CPEB2: variants seen among roughly 807,000 people sequenced by gnomAD.
The protein encoded by CPEB2 is cytoplasmic polyadenylation element binding protein 2, also known as cytoplasmic polyadenylation element-binding protein 2.
Under a neutral mutation model 93.6 loss-of-function variants are expected in CPEB2, and 56 were observed. The ratio of observed to expected loss-of-function variants is 0.60; its 90% confidence interval spans 0.48 to 0.75. The LOEUF (loss-of-function observed/expected upper bound fraction) is 0.75, where lower values mean the gene tolerates loss of function less well. CPEB2 is among the 30% of genes least tolerant of loss of function. The probability of loss-of-function intolerance (pLI) is 0.00; values close to 1 mark genes in which losing one functional copy is unlikely to be tolerated. For missense variants in CPEB2, 1,579 were observed against 1,395.1 expected, an observed-to-expected ratio of 1.13 and a Z score of -2.10; for synonymous variants, 764 against 586.3, an observed-to-expected ratio of 1.30 and a Z score of -4.38.
rs1722112927 is a variant in CPEB2, at chr4:15,002,725, A to T, written c.52A>T (p.Ser18Cys). Residue 18 changes from serine to cysteine, a missense_variant, in exon 1 of 12, where the codon AGT becomes TGT. Physicochemically the swap from Ser to Cys is moderately radical, Grantham distance 112. Around this residue, in one of 2 missense-constraint regions of CPEB2, gnomAD observed 1,411 missense variants for 1,056.0 expected, o/e 1.34. Transcript: ENST00000538197. ...VLQTAPLRSS[S>C]PGPLFCGEAY... Reference sequence around the variant, plus strand: ...GCAGACCGCCCCGCTCCGAAGTAGCAGTCCTGGGCCCCTGTTCTGCGGCGA... The same window carrying T: ...GCAGACCGCCCCGCTCCGAAGTAGCTGTCCTGGGCCCCTGTTCTGCGGCGA... 6.5e-7 allele frequency: 1 copy of T among 1,529,410 alleles called. No homozygotes were observed. Among genetic ancestry groups the T allele is most frequent in the African/African-American group, 1.4e-5 (1 of 72,252 alleles). The allele number at this position is 1,529,410 out of a possible 1,614,324, so 94.7% of individuals were successfully genotyped here.
chr4:15,026,009 C>T lies in CPEB2; in HGVS notation c.2126-7152C>T, dbSNP rs184168574. 2.9e-4 allele frequency among the ~76,000 whole-genome samples: 44 copies of T among 152,196 alleles called. No individual in the cohort carries two copies. In the East Asian group the frequency reaches 8.3e-3, roughly 29 times the overall value. ...CTCTTTCAAATCTTTTTAACTGCCA[C>T]GTTAGGGATTTCGGAAAGCAACAGA... On this transcript the variant is annotated intron_variant, in intron 4 of 11. Transcript: ENST00000538197.
intron 4 of CPEB2, among the ~76,000 whole-genome samples, chr4:15,022,174 G>T (rs1724886423): frequency 1.3e-5 from 2 of 152,060 alleles, no homozygotes; most frequent in African/African-American, 4.8e-5. Flanking sequence ...AGTTCGTGTG[G>T]GGTGTAGAAC....
At chr4:15,028,545 T>C (rs1725725869) in intron 4 of CPEB2, among the ~76,000 whole-genome samples, 1 of 152,120 alleles carries the variant, frequency 6.6e-6, no homozygotes, top group African/African-American at 2.4e-5. Context: ...TTCATGGATC[T>C]TCTGTTTTAA....
intron 11 of CPEB2, among the ~76,000 whole-genome samples, chr4:15,065,596 C>T (rs1383628916): frequency 1.3e-5 from 2 of 152,064 alleles, no homozygotes; most frequent in Non-Finnish European, 1.5e-5. Context: ...GAGCTGACTC[C>T]AGTCTGAAGT....
intron 6 of CPEB2, among the ~76,000 whole-genome samples, chr4:15,043,232 A>C (rs184879981): frequency 6.6e-6 from 1 of 152,332 alleles, no homozygotes; most frequent in Admixed American, 6.5e-5. Flanking sequence ...TGTCAATAAG[A>C]ACTTTAAATA....
chr4:15,061,145 G>A (rs1004009083), intron 10 of CPEB2, among the ~76,000 whole-genome samples: 2 of 152,076 alleles, frequency 1.3e-5, no homozygotes, highest in Non-Finnish European at 2.9e-5. Context: ...GTAGACAGTT[G>A]CATGTACAAG....
intron 4 of CPEB2, among the ~76,000 whole-genome samples, chr4:15,021,965 T>A (rs929148569): frequency 6.6e-6 from 1 of 152,180 alleles, no homozygotes; most frequent in Non-Finnish European, 1.5e-5. Flanking sequence ...TTTCTTCCAC[T>A]TTTCCCTCTC....
chr4:15,008,774 T>C (rs956331453), intron 3 of CPEB2, among the ~76,000 whole-genome samples: 1 of 152,232 alleles, frequency 6.6e-6, no homozygotes, highest in Non-Finnish European at 1.5e-5. Context: ...ATATGTTTAC[T>C]TAACATCTAG....
In CPEB2 at chr4:15,003,348, T is replaced by G; in HGVS notation, c.675T>G (p.Ala225=). ...AGPLLQPAQL[A]QRQQQQPPQQ... is the part of the protein sequence containing the mutation. Reference sequence around the variant, plus strand: ...CGCTCCTCCAGCCGGCGCAGCTCGCTCAGCGCCAGCAGCAACAGCCGCCGC... The same window carrying G: ...CGCTCCTCCAGCCGGCGCAGCTCGCGCAGCGCCAGCAGCAACAGCCGCCGC... Residue 225 remains alanine (A), a synonymous_variant, in exon 1 of 12, where the codon GCT becomes GCG. Transcript: ENST00000538197. The G allele has an allele frequency of 2.9e-6, 4 of 1,393,366 alleles. No individual in the cohort carries two copies. Among genetic ancestry groups the G allele is most frequent in the Non-Finnish European group, 3.7e-6 (4 of 1,087,170 alleles). 86.3% of individuals were successfully genotyped at this position (1,393,366 alleles called of 1,614,324 possible). A position where few individuals can be genotyped will look rare whatever the true frequency, so the allele number is the denominator to read the frequency against.
chr4:15,062,568 T>C (rs1729293858), intron 11 of CPEB2, among the ~76,000 whole-genome samples: 1 of 152,086 alleles, frequency 6.6e-6, no homozygotes, highest in South Asian at 2.1e-4. Flanking sequence ...GGAGTCAGAC[T>C]GCCTGGGATT....
intron 1 of CPEB2, among the ~76,000 whole-genome samples, chr4:15,006,276 C>G (rs1163955299): frequency 6.6e-6 from 1 of 151,946 alleles, no homozygotes; most frequent in Non-Finnish European, 1.5e-5. Context: ...TTTTAATTGT[C>G]TTACAAAAAG....
chr4:15,037,196 G>A (rs901642608), intron 5 of CPEB2, among the ~76,000 whole-genome samples: 2 of 152,064 alleles, frequency 1.3e-5, no homozygotes, highest in African/African-American at 2.4e-5. Context: ...CCAGCTACTC[G>A]GGAGCTGAGG....
At chr4:15,031,727 C>T (rs977863119) in intron 4 of CPEB2, among the ~76,000 whole-genome samples, 3 of 152,096 alleles carry the variant, frequency 2.0e-5, no homozygotes, top group Admixed American at 6.6e-5. Context: ...TATGTATGTA[C>T]AGGAAACATG....
rs1481459175 is a variant in CPEB2, at chr4:15,004,203, G to A, written c.1530G>A (p.Gln510=). The change falls in exon 1 of 12, where the codon CAG becomes CAA. Residue 510 remains glutamine (Q), a synonymous_variant. Transcript: ENST00000538197. ...PPPPAMNIPQ[Q]QPPPPAAPQQ... ...CGCCCGCCATGAATATACCTCAACA[G>A]CAGCCCCCGCCGCCCGCGGCGCCGC... 7.3e-7 allele frequency: 1 copy of A among 1,370,884 alleles called. No individual in the cohort carries two copies. Among genetic ancestry groups the A allele is most frequent in the Non-Finnish European group, 9.5e-7 (1 of 1,050,886 alleles). 84.9% of individuals were successfully genotyped at this position (1,370,884 alleles called of 1,614,324 possible).
intron 7 of CPEB2, among the ~76,000 whole-genome samples, chr4:15,053,706 T>C (rs1251390523): frequency 6.6e-6 from 1 of 152,184 alleles, no homozygotes; most frequent in Non-Finnish European, 1.5e-5. Context: ...TTTTCAACAT[T>C]GTAGTTATTC....
rs1192402836 is a variant in CPEB2, at chr4:15,003,754, C to A, written c.1081C>A (p.Pro361Thr). 10 of 1,252,332 alleles carry A rather than the reference C, an allele frequency of 8.0e-6. No individual in the cohort carries two copies. Among genetic ancestry groups the A allele is most frequent in the Non-Finnish European group, 1.0e-5 (10 of 1,003,088 alleles). 77.6% of individuals were successfully genotyped at this position (1,252,332 alleles called of 1,614,324 possible). ...GGGGGGGGGG[P>T]PGGGGGGGSA... ...CGGCGGCGGCGGCGGGGGCGGGGGGCCCCCAGGAGGCGGAGGGGGAGGCGG... is the reference window on the plus strand; with the variant it reads ...CGGCGGCGGCGGCGGGGGCGGGGGGACCCCAGGAGGCGGAGGGGGAGGCGG... The change falls in exon 1 of 12, where the codon CCC (proline) becomes ACC (threonine). Residue 361 changes from proline (P) to threonine (T), a missense_variant. By Grantham distance (38) the Pro-to-Thr change is conservative. Coordinates refer to ENST00000538197, the MANE Select transcript of CPEB2 (RefSeq NM_001177382.2).
intron 5 of CPEB2, among the ~76,000 whole-genome samples, chr4:15,039,991 A>G (rs1727012251): frequency 6.6e-6 from 1 of 152,146 alleles, no homozygotes; most frequent in Non-Finnish European, 1.5e-5. Context: ...TTCTAGCACT[A>G]CTTCCATGCA....
intron 4 of CPEB2, chr4:15,017,921 T>C (rs536723807): frequency 8.6e-5 from 13 of 152,038 alleles, no homozygotes; most frequent in African/African-American, 2.6e-4. Context: ...TATATATTTT[T>C]ATACAATATA....
intron 8 of CPEB2, among the ~76,000 whole-genome samples, chr4:15,054,665 G>A (rs1230584853): frequency 6.6e-6 from 1 of 151,944 alleles, no homozygotes; most frequent in Non-Finnish European, 1.5e-5. Flanking sequence ...AGTTATGTTA[G>A]TCAGTTATTG....
Sources: allele counts gnomAD v4.1 joint callset (sites outside exome capture counted in the v4.1 genomes callset), GRCh38; gene constraint gnomAD v4.1.1; regional missense constraint gnomAD v4.1.1; transcripts MANE v1.5; gene names NCBI Gene and HGNC (gene_info 2026-07-23, HGNC 2026-07-21).